The following MKKS variants were observed in gnomAD, a reference collection of about 807,000 sequenced individuals.
MKKS encodes molecular chaperone MKKS.
In MKKS, 29 loss-of-function variants were observed where a neutral mutation model predicts 33.2. That is an observed-to-expected ratio of 0.87 (90% CI 0.65 to 1.19). The LOEUF (loss-of-function observed/expected upper bound fraction) is 1.19. Ranked by LOEUF, MKKS falls within the 50% of genes most tolerant of loss-of-function variation. The probability of loss-of-function intolerance (pLI) is 0.00; values close to 1 mark genes in which losing one functional copy is unlikely to be tolerated. For synonymous variants in MKKS, 260 were observed against 244.0 expected (o/e 1.07, Z -0.61); for missense variants, 661 against 662.3 (o/e 1.00, Z 0.02).
chr20:10,424,573 C>T (rs144123705), intron 1 of MKKS, among the ~76,000 whole-genome samples: 185 of 151,412 alleles, frequency 1.2e-3, no homozygotes, highest in African/African-American at 4.2e-3. Context: ...AAGCTCATTG[C>T]TAGTTTTACA....
At chr20:10,433,019 A>G (rs1396643284) in intron 1 of MKKS, among the ~76,000 whole-genome samples, 2 of 152,038 alleles carry the variant, frequency 1.3e-5, no homozygotes, top group African/African-American at 4.8e-5. Flanking sequence ...TTATTTATTT[A>G]TTTTCTTAAA....
At chr20:10,407,438 G>C (rs1042554464) in intron 5 of MKKS, among the ~76,000 whole-genome samples, 178 bp downstream of exon 5, 9 of 152,056 alleles carry the variant, frequency 5.9e-5, no homozygotes, top group Admixed American at 3.9e-4. Flanking sequence ...TTAGACTACT[G>C]AAAAATTCAG....
intron 2 of MKKS, among the ~76,000 whole-genome samples, chr20:10,417,606 G>T (rs989203270): frequency 7.2e-5 from 11 of 152,074 alleles, no homozygotes; most frequent in Admixed American, 3.9e-4. Context: ...CAAGGCCTGT[G>T]CCCAAGAGTT....
At position 10,413,279 on chromosome 20, in the gene MKKS, G is replaced by A. The variant is rs1242425748; in HGVS notation, c.236C>T (p.Ala79Val). The A allele has an allele frequency of 6.2e-7, 1 of 1,614,222 alleles. No individual in the cohort carries two copies. The highest frequency in any genetic ancestry group is 1.1e-5 in the South Asian group (1 of 91,088). Residue 79 changes from alanine (A) to valine (V), a missense_variant, in exon 3 of 6, where the codon GCC becomes GTC. Physicochemically the swap from Ala to Val is moderately conservative, Grantham distance 64. Transcript: ENST00000347364. Reference sequence around the variant, plus strand: ...GCTTGACACATGATTCTGTATGGAGGCTGTCAGGATCTTTAAAATGGGATG... The same window carrying A: ...GCTTGACACATGATTCTGTATGGAGACTGTCAGGATCTTTAAAATGGGATG... ...VTHPILKILT[A>V]SIQNHVSSFS...
rs772571702 is a variant in MKKS at position 10,413,532 on chromosome 20, C to G, written c.-18G>C. On this transcript the variant is annotated 5_prime_UTR_variant, in exon 3 of 6. Coordinates refer to ENST00000347364, the MANE Select transcript of MKKS (RefSeq NM_170784.3). The stretch of plus-strand genomic sequence containing the variant: ...CGAGACATCTTACTTCAGGTGGTAA[C>G]TAGTGAAGACCGTTTTTATTTTGTA... The G allele has an allele frequency of 1.2e-6, 2 of 1,613,946 alleles. 1 individual carries two copies. Among genetic ancestry groups the G allele is most frequent in the South Asian group, 2.2e-5 (2 of 91,066 alleles).
In MKKS at chr20:10,401,040, A is replaced by ATATT. The variant is rs2064809429; in HGVS notation, c.*4206_*4207insAATA. On this transcript the variant is annotated 3_prime_UTR_variant, in exon 6 of 6. Transcript: ENST00000347364. ...TGGCTAAAATAAGATGTTTATTATA[A>ATATT]GTATTTTCTCAAAGAGAATTTTTAA... 1 of 152,152 alleles carries ATATT rather than the reference A, an allele frequency of 6.6e-6. No homozygotes were observed. Among genetic ancestry groups the ATATT allele is most frequent in the Non-Finnish European group, 1.5e-5 (1 of 68,034 alleles). 9.4% of individuals were successfully genotyped at this position (152,152 alleles called of 1,614,324 possible). A position where few individuals can be genotyped will look rare whatever the true frequency, so the allele number is the denominator to read the frequency against.
At chr20:10,420,452 C>G (rs190548461) in intron 2 of MKKS, 76 bp downstream of exon 2, 1 of 152,278 alleles carries the variant, frequency 6.6e-6, no homozygotes, top group East Asian at 1.9e-4. Context: ...TTTTCCTTGC[C>G]AGAGATCTAA....
Position 10,405,497 on chromosome 20 carries a change from G to C in MKKS, c.1463C>G (p.Ala488Gly). The change falls in exon 6 of 6, where the codon GCT (alanine) becomes GGT (glycine). Residue 488 changes from alanine to glycine, a missense_variant. Ala to Gly is a moderately conservative substitution (Grantham distance 60). Coordinates refer to ENST00000347364, the MANE Select transcript of MKKS (RefSeq NM_170784.3). ...CTGTGAAAGCAAATCTGGCCAGTTAGCAACACAGGGAGAATCTGCCTGAAC... is the reference window on the plus strand; with the variant it reads ...CTGTGAAAGCAAATCTGGCCAGTTACCAACACAGGGAGAATCTGCCTGAAC... The part of the protein sequence containing the change: ...WSVQADSPCV[A>G]NWPDLLSQCG... The C allele has an allele frequency of 6.2e-7, 1 of 1,614,192 alleles. No homozygotes were observed. The highest frequency in any genetic ancestry group is 2.2e-5 in the East Asian group (1 of 44,888).
intron 1 of MKKS, among the ~76,000 whole-genome samples, chr20:10,421,963 A>T (rs542752455): frequency 6.6e-6 from 1 of 152,172 alleles, no homozygotes; most frequent in East Asian, 1.9e-4. Context: ...TGCATCTCTG[A>T]GTTTTAGTAC....
At position 10,407,689 on chromosome 20, in the gene MKKS, G is replaced by A; in HGVS notation, c.1199C>T (p.Thr400Ile). Residue 400 changes from threonine to isoleucine, a missense_variant, in exon 5 of 6, where the codon ACA becomes ATA. Coordinates refer to ENST00000347364, the MANE Select transcript of MKKS (RefSeq NM_170784.3). The part of the protein sequence containing the change: ...CQTALHVLQL[T>I]LKEPWALLGG... ...CAACAAAGCCCATGGTTCCTTGAGT[G>A]TTAACTGCAGGACATGCAGTGCCGT... 1.9e-6 allele frequency: 3 copies of A among 1,613,968 alleles called. No homozygotes were observed. The highest frequency in any genetic ancestry group is 1.7e-6 in the Non-Finnish European group (2 of 1,179,920).
intron 3 of MKKS, among the ~76,000 whole-genome samples, chr20:10,412,189 TAA>T (rs2064893581): frequency 6.6e-6 from 1 of 152,214 alleles, no homozygotes; most frequent in Non-Finnish European, 1.5e-5. Flanking sequence ...TAACATGATT[TAA>T]AAGTTTTGTC....
intron 1 of MKKS, among the ~76,000 whole-genome samples, chr20:10,426,057 C>T (rs1319156398): frequency 6.6e-6 from 1 of 152,188 alleles, no homozygotes; most frequent in Non-Finnish European, 1.5e-5. Context: ...TCATATTCTT[C>T]TCTCAAAAGT....
At chr20:10,425,688 C>G (rs1008209436) in intron 1 of MKKS, among the ~76,000 whole-genome samples, 1 of 152,168 alleles carries the variant, frequency 6.6e-6, no homozygotes, top group Non-Finnish European at 1.5e-5. Context: ...CAAGAATAAG[C>G]TCAAAATGAT....
At chr20:10,410,659 AT>A (rs1380943553) in intron 3 of MKKS, among the ~76,000 whole-genome samples, 2 of 152,104 alleles carry the variant, frequency 1.3e-5, no homozygotes, top group African/African-American at 4.8e-5. Context: ...AAGCTGCAAT[AT>A]GCTTCACATG....
intron 5 of MKKS, among the ~76,000 whole-genome samples, chr20:10,406,913 T>C (rs1006447753): frequency 6.6e-6 from 1 of 152,188 alleles, no homozygotes; most frequent in African/African-American, 2.4e-5. Flanking sequence ...GTTTACCCAA[T>C]GAATCGATTG....
chr20:10,413,310 C>A lies in MKKS; in HGVS notation c.205G>T (p.Val69Phe). Residue 69 changes from valine (V) to phenylalanine (F), a missense_variant, in exon 3 of 6, where the codon GTC becomes TTC. By Grantham distance (50) the Val-to-Phe change is conservative. Coordinates refer to ENST00000347364, the MANE Select transcript of MKKS (RefSeq NM_170784.3). ...AGGATCTTTAAAATGGGATGTGTGA[C>A]CAAAAGGTGACTGAGCAGAGCTGAG... ...QSSALLSHLL[V>F]THPILKILTA... The A allele has an allele frequency of 1.9e-6, 3 of 1,614,140 alleles. No homozygotes were observed. Among genetic ancestry groups the A allele is most frequent in the South Asian group, 1.1e-5 (1 of 91,080 alleles).
chr20:10,412,484 T>A, intron 3 of MKKS, 46 bp downstream of exon 3: 1 of 1,593,456 alleles, frequency 6.3e-7, no homozygotes, highest in Non-Finnish European at 8.6e-7. Flanking sequence ...CTCAAAAAAG[T>A]GTGATTTATT....
At chr20:10,430,076 T>C (rs2065044244) in intron 1 of MKKS, among the ~76,000 whole-genome samples, 1 of 152,254 alleles carries the variant, frequency 6.6e-6, no homozygotes. Flanking sequence ...GTTGTATTCC[T>C]GCTTTGCTTA....
At chr20:10,407,488 C>G in intron 5 of MKKS, 128 bp downstream of exon 5, 5 of 767,666 alleles carry the variant, frequency 6.5e-6, no homozygotes, top group Non-Finnish European at 1.1e-5. Context: ...CAAACCTATA[C>G]ATGCACCCCT....
Sources: allele counts gnomAD v4.1 joint callset (sites outside exome capture counted in the v4.1 genomes callset), GRCh38; gene constraint gnomAD v4.1.1; transcripts MANE v1.5; gene names NCBI Gene and HGNC (gene_info 2026-07-23, HGNC 2026-07-21).